SGO2: variants seen among roughly 807,000 people sequenced by gnomAD.
The protein encoded by SGO2 is shugoshin 2.
SGO2 carries 68 observed loss-of-function variants against 99.5 expected under a neutral mutation model. The ratio of observed to expected loss-of-function variants is 0.68; its 90% CI spans 0.56 to 0.84. The LOEUF is 0.84. Ranked by LOEUF, SGO2 falls within the 40% of genes least tolerant of loss-of-function variation. The pLI is 0.00. For missense variants in SGO2, 1,350 were observed against 1,436.7 expected (o/e 0.94, Z 0.97); for synonymous variants, 457 against 487.1 (o/e 0.94, Z 0.81).
At chr2:200,581,158 T>C in intron 8 of SGO2, among the ~76,000 whole-genome samples, 1 of 152,198 alleles carries the variant, frequency 6.6e-6, no homozygotes, top group East Asian at 1.9e-4. Flanking sequence ...TTTATAACTG[T>C]GCTGTGATTG....
chr2:200,566,315 T>C (rs554114635), intron 5 of SGO2, among the ~76,000 whole-genome samples: 50 of 152,324 alleles, frequency 3.3e-4, no homozygotes, highest in African/African-American at 1.2e-3. Context: ...TGCAAGTCTG[T>C]TGGAGTATGC....
At chr2:200,531,774 A>G (rs970481921) in intron 1 of SGO2, 3 of 152,254 alleles carry the variant, frequency 2.0e-5, no homozygotes, top group Admixed American at 1.3e-4. Context: ...TCCCACCTCA[A>G]GGTGTATTCC....
intron 5 of SGO2, among the ~76,000 whole-genome samples, chr2:200,560,079 C>T (rs1051330382): frequency 6.6e-6 from 1 of 152,102 alleles, no homozygotes; most frequent in Admixed American, 6.5e-5. Flanking sequence ...TCTTCCATAT[C>T]CTTCCTGCTT....
chr2:200,528,490 G>A lies in SGO2; in HGVS notation c.-3+2238G>A, dbSNP rs572187130. ...AACTTTCTGACCTGAGCAACTGAAA[G>A]AATGGAGTTGTCATTAAGTGAGCTA... On this transcript the variant is annotated intron_variant, in intron 1 of 8. Coordinates refer to ENST00000357799, the MANE Select transcript of SGO2 (RefSeq NM_152524.6). Among the ~76,000 whole-genome samples, 69 of 152,334 alleles carry A rather than the reference G, an allele frequency of 4.5e-4. 1 individual carries two copies. In the South Asian group the frequency reaches 0.012, roughly 27 times the overall value.
At chr2:200,551,976 A>AT (rs2032505640) in intron 5 of SGO2, among the ~76,000 whole-genome samples, 1 of 152,198 alleles carries the variant, frequency 6.6e-6, no homozygotes, top group East Asian at 1.9e-4. Flanking sequence ...TTACACTTGA[A>AT]TTTTAGAATC....
At chr2:200,530,560 T>C (rs2031322812) in intron 1 of SGO2, among the ~76,000 whole-genome samples, 1 of 152,090 alleles carries the variant, frequency 6.6e-6, no homozygotes, top group African/African-American at 2.4e-5. Context: ...GATGAGACTG[T>C]ATGAAATCAC....
chr2:200,532,265 G>GTTTT (rs199785070), intron 1 of SGO2: 1 of 443,800 alleles, frequency 2.3e-6, no homozygotes, highest in African/African-American at 3.2e-5. Context: ...AGGTGACAGA[G>GTTTT]TTTTTTGTTT....
chr2:200,566,737 C>T (rs908622430), intron 5 of SGO2, among the ~76,000 whole-genome samples: 12 of 152,304 alleles, frequency 7.9e-5, no homozygotes, highest in East Asian at 5.8e-4. Flanking sequence ...GCTTCCTAGC[C>T]GCTTTGTTTA....
intron 5 of SGO2, among the ~76,000 whole-genome samples, chr2:200,566,399 G>A (rs915484070): frequency 2.6e-5 from 4 of 152,148 alleles, no homozygotes; most frequent in African/African-American, 9.7e-5. Context: ...ATTGCAGAAT[G>A]GCAAATGTTG....
At chr2:200,558,862 G>T (rs188892237) in intron 5 of SGO2, among the ~76,000 whole-genome samples, 1 of 151,536 alleles carries the variant, frequency 6.6e-6, no homozygotes, top group Admixed American at 6.6e-5. Flanking sequence ...GAGTGCAGTG[G>T]TGCGATCTTG....
intron 5 of SGO2, among the ~76,000 whole-genome samples, chr2:200,562,469 AT>A (rs2033010708): frequency 6.6e-6 from 1 of 152,016 alleles, no homozygotes; most frequent in Non-Finnish European, 1.5e-5. Context: ...GCCTTGTAGT[AT>A]TGTTTGAAGT....
intron 2 of SGO2, chr2:200,533,376 A>C (rs1040479177): frequency 1.0e-4 from 27 of 262,174 alleles, no homozygotes; most frequent in Non-Finnish European, 2.2e-5. Context: ...GCAGAAAAAA[A>C]CTACCAACAT....
chr2:200,556,478 TG>T, intron 5 of SGO2, among the ~76,000 whole-genome samples: 1 of 152,026 alleles, frequency 6.6e-6, no homozygotes, highest in South Asian at 2.1e-4. Flanking sequence ...TTCAAGGAGG[TG>T]GTAAGCAATT....
Position 200,550,104 on chromosome 2 carries a change from TC to T in SGO2, c.473+7441del, listed in dbSNP as rs533045671. Among the ~76,000 whole-genome samples the T allele has an allele frequency of 1.9e-3, 285 of 152,220 alleles. 2 individuals carry two copies. The highest frequency in any genetic ancestry group is 6.4e-3 in the African/African-American group (264 of 41,540). On this transcript the variant is annotated intron_variant, in intron 5 of 8. Transcript: ENST00000357799. ...GTCGAGAAAGCAATCCCATTTATCA[TC>T]GCTACAAAAAATATGAAATACCTAG... is the stretch of plus-strand genomic sequence containing the variant.
intron 1 of SGO2, among the ~76,000 whole-genome samples, chr2:200,532,516 T>G (rs114657217): frequency 4.5e-4 from 69 of 152,248 alleles, no homozygotes; most frequent in African/African-American, 1.6e-3. Flanking sequence ...ATCTTCCTGT[T>G]TCCATAATAG....
At chr2:200,532,856 G>T in intron 1 of SGO2, 118 bp from the exon 2 acceptor site, 2 of 1,046,310 alleles carry the variant, frequency 1.9e-6, no homozygotes, top group South Asian at 1.8e-5. Context: ...GTAAAGTTTA[G>T]CAAATACTTA....
intron 5 of SGO2, among the ~76,000 whole-genome samples, chr2:200,564,386 A>C (rs886076612): frequency 6.6e-6 from 1 of 152,242 alleles, no homozygotes; most frequent in African/African-American, 2.4e-5. Context: ...TGAGTTTCTC[A>C]ATCCTGAGTT....
At chr2:200,583,307 G>A (rs1418163938) in intron 8 of SGO2, 142 bp from the exon 9 acceptor site, 1 of 519,994 alleles carries the variant, frequency 1.9e-6, no homozygotes, top group African/African-American at 2.0e-5. Context: ...AAAAATTAGA[G>A]TATTTCAAGT....
At chr2:200,530,223 A>C (rs1411723346) in intron 1 of SGO2, among the ~76,000 whole-genome samples, 3 of 152,202 alleles carry the variant, frequency 2.0e-5, no homozygotes, top group African/African-American at 7.2e-5. Flanking sequence ...GCAGAAACTC[A>C]AGTGAGACAT....
Sources: allele counts gnomAD v4.1 joint callset (sites outside exome capture counted in the v4.1 genomes callset), GRCh38; gene constraint gnomAD v4.1.1; transcripts MANE v1.5; gene names NCBI Gene and HGNC (gene_info 2026-07-23, HGNC 2026-07-21).